FOXP2: variants seen among roughly 807,000 people sequenced by gnomAD.
FOXP2 encodes the protein forkhead box P2.
Under a neutral mutation model 115.8 loss-of-function variants are expected in FOXP2, and 12 were observed. The observed-to-expected ratio is 0.10, with a 90% CI of 0.07 to 0.17. FOXP2 has a LOEUF of 0.17. Among genes scored for constraint, FOXP2 ranks in the 10% least tolerant of loss-of-function variants. The pLI, the probability that FOXP2 is intolerant of heterozygous loss-of-function variation, is 1.00. For synonymous variants in FOXP2, 328 were observed against 297.7 expected, an observed-to-expected ratio of 1.10 and a Z score of -1.05; for missense variants, 629 against 843.5, an observed-to-expected ratio of 0.75 and a Z score of 3.15.
intron 2 of FOXP2, among the ~76,000 whole-genome samples, chr7:114,486,282 A>T (rs965031349): frequency 6.6e-6 from 1 of 152,286 alleles, no homozygotes; most frequent in Non-Finnish European, 1.5e-5. Context: ...GCACATGTGC[A>T]GGGGAACTCC....
At chr7:114,363,132 T>G (rs935376497) in intron 2 of FOXP2, among the ~76,000 whole-genome samples, 5 of 152,106 alleles carry the variant, frequency 3.3e-5, no homozygotes, top group Non-Finnish European at 7.4e-5. Context: ...GTAATAGAGA[T>G]TCACCCATTC....
chr7:114,674,248 T>C (rs1807644260), intron 16 of FOXP2, among the ~76,000 whole-genome samples: 1 of 152,220 alleles, frequency 6.6e-6, no homozygotes, highest in Non-Finnish European at 1.5e-5. Context: ...AAAATTTATT[T>C]TGATATTTAT....
intron 1 of FOXP2, among the ~76,000 whole-genome samples, chr7:114,189,694 G>A (rs1204377300): frequency 2.6e-5 from 4 of 152,170 alleles, no homozygotes; most frequent in African/African-American, 9.7e-5. Context: ...TTATTTGGGA[G>A]ACGTCACTGG....
intron 2 of FOXP2, among the ~76,000 whole-genome samples, chr7:114,402,047 G>A (rs547643691): frequency 7.9e-5 from 12 of 152,266 alleles, no homozygotes; most frequent in Admixed American, 4.6e-4. Flanking sequence ...CCTTGAACCC[G>A]TGAGGCAGAG....
chr7:114,460,451 T>C (rs1178113313), intron 2 of FOXP2, among the ~76,000 whole-genome samples: 1 of 152,212 alleles, frequency 6.6e-6, no homozygotes, highest in Admixed American at 6.5e-5. Context: ...TTTCTAGTTG[T>C]CTAGTGCAAT....
chr7:114,190,759 T>G (rs1793736854), intron 1 of FOXP2, among the ~76,000 whole-genome samples: 1 of 152,136 alleles, frequency 6.6e-6, no homozygotes, highest in Admixed American at 6.6e-5. Context: ...TTTAATCAAC[T>G]TATATCCTTC....
chr7:114,646,420 G>A (rs779597658), intron 8 of FOXP2, among the ~76,000 whole-genome samples: 6 of 151,972 alleles, frequency 3.9e-5, no homozygotes, highest in Non-Finnish European at 7.4e-5. Flanking sequence ...ACAACCAGAT[G>A]AATATGAACC....
rs570459148 is a variant in FOXP2, at chr7:114,485,232, A to G, written c.169-49385A>G. The stretch of plus-strand genomic sequence containing the variant: ...AAATAATGTTTTAGAAAATTTTTTT[A>G]TTAAAAACCTCACCTACGTATGGTT... On this transcript the variant is annotated intron_variant, in intron 2 of 16. Transcript: ENST00000350908. 3.3e-5 allele frequency among the ~76,000 whole-genome samples: 5 copies of G among 152,080 alleles called. No homozygotes were observed. The East Asian group carries it at 7.7e-4, about 23-fold the overall frequency.
At chr7:114,647,110 A>G (rs978900632) in intron 8 of FOXP2, among the ~76,000 whole-genome samples, 1 of 151,972 alleles carries the variant, frequency 6.6e-6, no homozygotes, top group African/African-American at 2.4e-5. Flanking sequence ...CTAGAAATAA[A>G]TTTTACAGCT....
Position 114,233,034 on chromosome 7 carries a change from G to A in FOXP2, c.-101-54985G>A, listed in dbSNP as rs749951815. Among the ~76,000 whole-genome samples, 4 of 152,244 alleles carry A rather than the reference G, an allele frequency of 2.6e-5. 1 individual carries two copies. The South Asian group carries it at 6.2e-4, about 24-fold the overall frequency. ...TGAGGAGGAGAAATGGGGAGCTTCC[G>A]TTCAATGGATAGCCTTTCAGTCATG... On this transcript the variant is annotated intron_variant, in intron 1 of 17. Transcript: ENST00000634411.
At chr7:114,408,205 A>G (rs1207371630) in intron 2 of FOXP2, among the ~76,000 whole-genome samples, 1 of 152,180 alleles carries the variant, frequency 6.6e-6, no homozygotes, top group Non-Finnish European at 1.5e-5. Context: ...GAAGAAAACT[A>G]AATGTAACAT....
chr7:114,491,461 G>T (rs1336504564), intron 2 of FOXP2, among the ~76,000 whole-genome samples: 1 of 151,816 alleles, frequency 6.6e-6, no homozygotes, highest in East Asian at 1.9e-4. Flanking sequence ...TAGGTTGCCT[G>T]TTCACTCTGA....
At chr7:114,602,005 G>A (rs1165364897) in intron 3 of FOXP2, among the ~76,000 whole-genome samples, 1 of 152,020 alleles carries the variant, frequency 6.6e-6, no homozygotes, top group Non-Finnish European at 1.5e-5. Flanking sequence ...ATTAGATCAT[G>A]TATTAATTGT....
Position 114,658,147 on chromosome 7 carries a change from C to G in FOXP2, c.1348C>G (p.Pro450Ala). 1 of 1,613,960 alleles carries G rather than the reference C, an allele frequency of 6.2e-7. No individual in the cohort carries two copies. Among genetic ancestry groups the G allele is most frequent in the Non-Finnish European group, 8.5e-7 (1 of 1,179,908 alleles). ...GAGCTTACCTCAAACCCCTACCACA[C>G]CAACGGCCCCAGTCACCCCGATTAC... The part of the protein sequence containing the change: ...PQSLPQTPTT[P>A]TAPVTPITQG... Residue 450 changes from proline to alanine, a missense_variant, in exon 11 of 17, where the codon CCA becomes GCA. Pro to Ala is a conservative substitution (Grantham distance 27). Transcript: ENST00000350908.
At chr7:114,572,034 A>G (rs182771694) in intron 3 of FOXP2, among the ~76,000 whole-genome samples, 2 of 151,980 alleles carry the variant, frequency 1.3e-5, no homozygotes, top group East Asian at 1.9e-4. Context: ...ATACTCATAT[A>G]CAATCAATGT....
intron 3 of FOXP2, among the ~76,000 whole-genome samples, chr7:114,557,891 C>A (rs1714556127): frequency 6.6e-6 from 1 of 151,908 alleles, no homozygotes; most frequent in African/African-American, 2.4e-5. Context: ...CTCACTGTAA[C>A]CTCTGCCTCC....
intron 16 of FOXP2, among the ~76,000 whole-genome samples, chr7:114,673,537 G>T (rs571659204): frequency 2.6e-5 from 4 of 152,210 alleles, no homozygotes; most frequent in South Asian, 4.1e-4. Context: ...GTAAAATCTA[G>T]TTCCTTTAAA....
intron 3 of FOXP2, among the ~76,000 whole-genome samples, chr7:114,574,226 C>T (rs992640003): frequency 2.6e-5 from 4 of 151,604 alleles, no homozygotes; most frequent in Non-Finnish European, 5.9e-5. Context: ...TGGGCTCCTT[C>T]GATTGTATAT....
chr7:114,606,060 G>A (rs1429571851), intron 3 of FOXP2, among the ~76,000 whole-genome samples: 1 of 152,146 alleles, frequency 6.6e-6, no homozygotes, highest in Non-Finnish European at 1.5e-5. Context: ...GAAGGCGTTG[G>A]ACTGAAGAGG....
Sources: gnomAD v4.1 joint callset for allele counts (sites outside exome capture counted in the v4.1 genomes callset) on GRCh38, gnomAD v4.1.1 for gene constraint, MANE v1.5 for transcripts, NCBI Gene and HGNC (gene_info 2026-07-23, HGNC 2026-07-21) for gene names.